The following BAALC variants were observed in gnomAD, a reference collection of about 807,000 sequenced individuals.
The protein encoded by BAALC is BAALC binder of MAP3K1 and KLF4.
A neutral mutation model predicts 15.5 loss-of-function variants in BAALC; 9 were observed. The observed-to-expected ratio is 0.58, with a 90% CI of 0.35 to 1.02. The LOEUF (loss-of-function observed/expected upper bound fraction) is 1.02, where lower values mean the gene tolerates loss of function less well. Among genes scored for constraint, BAALC ranks in the 50% least tolerant of loss-of-function variants. The probability of loss-of-function intolerance (pLI) is 0.02; values close to 1 mark genes in which losing one functional copy is unlikely to be tolerated. For synonymous variants in BAALC, 80 were observed against 74.6 expected (o/e 1.07, Z -0.37); for missense variants, 201 against 192.4 (o/e 1.04, Z -0.27).
chr8:103,226,948 T>C (rs1320378666), intron 2 of BAALC, among the ~76,000 whole-genome samples: 3 of 152,158 alleles, frequency 2.0e-5, no homozygotes, highest in Non-Finnish European at 4.4e-5. Flanking sequence ...TGAACCAAAG[T>C]CTCTCTGACT....
intron 1 of BAALC, among the ~76,000 whole-genome samples, chr8:103,163,570 T>A (rs372659254): frequency 6.6e-6 from 1 of 152,166 alleles, no homozygotes; most frequent in African/African-American, 2.4e-5. Flanking sequence ...TTCCTATCTT[T>A]CTCTGCACAT....
At chr8:103,178,001 G>A (rs1338479148) in intron 1 of BAALC, among the ~76,000 whole-genome samples, 1 of 152,084 alleles carries the variant, frequency 6.6e-6, no homozygotes, top group Non-Finnish European at 1.5e-5. Flanking sequence ...GTAGAGTGAT[G>A]GTTTTCATTA....
intron 1 of BAALC, chr8:103,165,703 T>A (rs1811330616): frequency 6.6e-6 from 1 of 152,226 alleles, no homozygotes; most frequent in African/African-American, 2.4e-5. Flanking sequence ...TTGTATATTT[T>A]ACTTCTTCAG....
At chr8:103,194,657 C>T (rs1403241060) in intron 1 of BAALC, among the ~76,000 whole-genome samples, 1 of 152,182 alleles carries the variant, frequency 6.6e-6, no homozygotes, top group Non-Finnish European at 1.5e-5. Flanking sequence ...ATAAATTAAA[C>T]ACAAATTTGT....
chr8:103,165,770 G>A (rs897965483), intron 1 of BAALC: 5 of 152,144 alleles, frequency 3.3e-5, no homozygotes, highest in African/African-American at 1.2e-4. Flanking sequence ...GCAACCTCAT[G>A]GGGTCAGATT....
intron 1 of BAALC, chr8:103,198,252 A>G (rs1027063599): frequency 6.7e-6 from 4 of 595,142 alleles, no homozygotes. Flanking sequence ...ATTATATTTG[A>G]CTACTATTTT....
intron 2 of BAALC, among the ~76,000 whole-genome samples, chr8:103,226,659 C>G (rs561186052): frequency 6.6e-6 from 1 of 152,280 alleles, no homozygotes; most frequent in South Asian, 2.1e-4. Flanking sequence ...ACTTAAAGAA[C>G]CTACAATTTA....
intron 1 of BAALC, among the ~76,000 whole-genome samples, chr8:103,184,914 G>A (rs1293819310): frequency 6.6e-6 from 1 of 152,192 alleles, no homozygotes; most frequent in South Asian, 2.1e-4. Flanking sequence ...AGTCTGATCA[G>A]TGTGGGAACT....
intron 1 of BAALC, chr8:103,197,957 A>G: frequency 1.8e-6 from 1 of 565,524 alleles, no homozygotes; most frequent in East Asian, 3.0e-5. Context: ...CCTTCATCCC[A>G]ACGATGCCCA....
chr8:103,213,181 C>T (rs899173922), intron 2 of BAALC, 96 bp downstream of exon 2: 5 of 1,312,792 alleles, frequency 3.8e-6, no homozygotes, highest in Non-Finnish European at 5.1e-6. Flanking sequence ...CAGGGAGGGA[C>T]CAGGGATGGC....
intron 1 of BAALC, among the ~76,000 whole-genome samples, chr8:103,149,859 T>A (rs1274093244): frequency 6.6e-6 from 1 of 152,194 alleles, no homozygotes; most frequent in African/African-American, 2.4e-5. Flanking sequence ...CATGTTTCCC[T>A]CTTACCTCCC....
chr8:103,175,887 T>C (rs747176360), intron 1 of BAALC, among the ~76,000 whole-genome samples: 1 of 152,204 alleles, frequency 6.6e-6, no homozygotes, highest in East Asian at 1.9e-4. Context: ...CTCAATTAAT[T>C]TGTAGAACAG....
At chr8:103,192,211 C>A (rs1811986125) in intron 1 of BAALC, among the ~76,000 whole-genome samples, 1 of 152,194 alleles carries the variant, frequency 6.6e-6, no homozygotes, top group African/African-American at 2.4e-5. Flanking sequence ...GCCACCACCC[C>A]TGGCTAATTT....
intron 2 of BAALC, among the ~76,000 whole-genome samples, chr8:103,219,809 T>C (rs17205332): frequency 0.13 from 19,321 of 152,226 alleles, 1,404 homozygotes; most frequent in East Asian, 0.3. Flanking sequence ...TTATTGTGTA[T>C]CTTCCTTTCA....
chr8:103,198,902 C>T (rs2130025147), intron 1 of BAALC, among the ~76,000 whole-genome samples: 1 of 152,294 alleles, frequency 6.6e-6, no homozygotes, highest in East Asian at 1.9e-4. Context: ...CAGAGTGAGA[C>T]TCTGAAAGCT....
At chr8:103,183,308 T>C (rs1811766349) in intron 1 of BAALC, 3 of 702,058 alleles carry the variant, frequency 4.3e-6, no homozygotes, top group Middle Eastern at 2.3e-4. Flanking sequence ...GAATGTCTTA[T>C]TTCCCTTTTG....
At chr8:103,156,912 A>G (rs1811104860) in intron 1 of BAALC, 1 of 152,278 alleles carries the variant, frequency 6.6e-6, no homozygotes, top group Non-Finnish European at 1.5e-5. Flanking sequence ...CACCATTTAA[A>G]TAGAAGCTAC....
intron 1 of BAALC, among the ~76,000 whole-genome samples, chr8:103,202,340 A>T (rs1812235535): frequency 6.6e-6 from 1 of 152,194 alleles, no homozygotes; most frequent in African/African-American, 2.4e-5. Flanking sequence ...AGAGATTAGG[A>T]CACAGACACA....
intron 1 of BAALC, among the ~76,000 whole-genome samples, chr8:103,207,657 G>A (rs543979529): frequency 6.6e-6 from 1 of 152,292 alleles, no homozygotes; most frequent in African/African-American, 2.4e-5. Flanking sequence ...AATGGCAGGG[G>A]GAGGGGGCAG....
Sources: allele counts gnomAD v4.1 joint callset (sites outside exome capture counted in the v4.1 genomes callset), GRCh38; gene constraint gnomAD v4.1.1; transcripts MANE v1.5; gene names NCBI Gene and HGNC (gene_info 2026-07-23, HGNC 2026-07-21).